EXPH5: variants seen among roughly 807,000 people sequenced by gnomAD.
EXPH5 encodes the protein exophilin 5.
EXPH5 carries 42 observed loss-of-function variants against 41.1 expected under a neutral mutation model. The ratio of observed to expected loss-of-function variants is 1.02; its 90% CI spans 0.80 to 1.32. The LOEUF (loss-of-function observed/expected upper bound fraction) is 1.32. EXPH5 is among the 40% of genes most tolerant of loss of function. The pLI is 0.00. For missense variants in EXPH5, 2,298 were observed against 2,314.5 expected (o/e 0.99, Z 0.15); for synonymous variants, 798 against 833.5 (o/e 0.96, Z 0.73).
Position 108,512,623 on chromosome 11 carries a change from G to A in EXPH5, c.2884C>T (p.His962Tyr), listed in dbSNP as rs1490033446. Residue 962 changes from histidine (H) to tyrosine (Y), a missense_variant, in exon 6 of 6, where the codon CAT becomes TAT. Transcript: ENST00000265843. ...TCATTCCTAAAAGGAGAGTGTGAAT[G>A]GCATTTGACATCAACCACTTCATCA... ...THDEVVDVKC[H>Y]SHSPFRNERG... 31 of 1,613,638 alleles carry A rather than the reference G, an allele frequency of 1.9e-5. No homozygotes were observed. The highest frequency in any genetic ancestry group is 2.6e-5 in the Non-Finnish European group (31 of 1,179,934).
chr11:108,558,028 T>C (rs1233408334), intron 1 of EXPH5, among the ~76,000 whole-genome samples: 2 of 152,148 alleles, frequency 1.3e-5, no homozygotes, highest in East Asian at 3.9e-4. Context: ...CTGCAACCTC[T>C]GCCTCCCAGG....
chr11:108,565,864 A>G (rs1457218777), intron 1 of EXPH5, among the ~76,000 whole-genome samples: 1 of 152,202 alleles, frequency 6.6e-6, no homozygotes, highest in East Asian at 1.9e-4. Flanking sequence ...TCTCTAGGCA[A>G]CTTTCCAACT....
chr11:108,526,335 G>C (rs983091926), intron 4 of EXPH5, among the ~76,000 whole-genome samples: 1 of 152,138 alleles, frequency 6.6e-6, no homozygotes, highest in Non-Finnish European at 1.5e-5. Context: ...GCAGTGAAAT[G>C]GTTTCGTGCA....
chr11:108,529,766 C>T (rs572477574), intron 3 of EXPH5, among the ~76,000 whole-genome samples: 22 of 151,884 alleles, frequency 1.4e-4, no homozygotes, highest in African/African-American at 5.3e-4. Context: ...ATTGCTTGAA[C>T]CTGGGAGGCA....
rs766002172 is a variant in EXPH5, at chr11:108,514,730, G to A, written c.777C>T (p.His259=). The part of the protein sequence containing the change: ...GNRHGNITER[H]KKHYNETSNM... The stretch of plus-strand genomic sequence containing the variant: ...TGGAAGTTTCATTATAGTGTTTTTT[G>A]TGCCTTTCTGTGATATTACCATGTC... The change falls in exon 6 of 6, where the codon CAC becomes CAT. Residue 259 remains histidine (H), a synonymous_variant. Coordinates refer to ENST00000265843, the MANE Select transcript of EXPH5 (RefSeq NM_015065.3). 8.1e-6 allele frequency: 13 copies of A among 1,609,288 alleles called. No individual in the cohort carries two copies. Among genetic ancestry groups the A allele is most frequent in the East Asian group, 6.7e-5 (3 of 44,864 alleles).
chr11:108,551,770 T>C (rs963982855), intron 1 of EXPH5, among the ~76,000 whole-genome samples: 1 of 152,148 alleles, frequency 6.6e-6, no homozygotes, highest in Non-Finnish European at 1.5e-5. Flanking sequence ...TCAAATCCTG[T>C]GAAAGTGACT....
rs181485192 is a variant in EXPH5 at position 108,518,515 on chromosome 11, T to G, written c.493-142A>C. 83 of 750,740 alleles carry G rather than the reference T, an allele frequency of 1.1e-4. No individual in the cohort carries two copies. The African/African-American group carries it at 1.3e-3, about 12-fold the overall frequency. The allele number at this position is 750,740 out of a possible 1,614,324, so 46.5% of individuals were successfully genotyped here. On this transcript the variant is annotated intron_variant, in intron 4 of 5. Coordinates refer to ENST00000265843, the MANE Select transcript of EXPH5 (RefSeq NM_015065.3). ...ATTTTTCTAATATTTATTTCTCAAT[T>G]TATAATGTGTTGTTTTTGCCATTTG...
At position 108,513,938 on chromosome 11, in the gene EXPH5, A is replaced by T. The variant is rs748205814; in HGVS notation, c.1569T>A (p.His523Gln). ...ATTCCCAGTGTTCAGAAGAAACATT[A>T]TGGCCATGAATGGCTGATACACTAT... ...EANSVSAIHG[H>Q]NVSSEHWESF... The change falls in exon 6 of 6, where the codon CAT becomes CAA. Residue 523 changes from histidine to glutamine, a missense_variant. By Grantham distance (24) the His-to-Gln change is conservative. Coordinates refer to ENST00000265843, the MANE Select transcript of EXPH5 (RefSeq NM_015065.3). The T allele has an allele frequency of 6.2e-7, 1 of 1,607,068 alleles. No individual in the cohort carries two copies. Among genetic ancestry groups the T allele is most frequent in the South Asian group, 1.1e-5 (1 of 89,388 alleles).
At chr11:108,548,649 G>T (rs2093949752) in intron 1 of EXPH5, among the ~76,000 whole-genome samples, 1 of 152,114 alleles carries the variant, frequency 6.6e-6, no homozygotes, top group East Asian at 1.9e-4. Flanking sequence ...ACCCAGGAAG[G>T]GAAACGATGA....
At chr11:108,565,808 G>A (rs1309302007) in intron 1 of EXPH5, among the ~76,000 whole-genome samples, 5 of 152,248 alleles carry the variant, frequency 3.3e-5, no homozygotes, top group East Asian at 3.9e-4. Flanking sequence ...CTATGACTCC[G>A]TCATTTAAAC....
At chr11:108,519,309 G>A (rs1333345270) in intron 4 of EXPH5, among the ~76,000 whole-genome samples, 2 of 152,170 alleles carry the variant, frequency 1.3e-5, no homozygotes, top group Non-Finnish European at 2.9e-5. Flanking sequence ...CTTAGTGGGG[G>A]TTCCTTGCAG....
At chr11:108,528,694 CCTT>C (rs2093816157) in intron 3 of EXPH5, among the ~76,000 whole-genome samples, 1 of 143,580 alleles carries the variant, frequency 7.0e-6, no homozygotes, top group South Asian at 2.2e-4. Flanking sequence ...TTTTTCTTTC[CCTT>C]TTTTTTTTTT....
rs748949653 is a variant in EXPH5, at chr11:108,513,150, G to A, written c.2357C>T (p.Thr786Ile). Residue 786 changes from threonine (T) to isoleucine (I), a missense_variant, in exon 6 of 6, where the codon ACA becomes ATA. Coordinates refer to ENST00000265843, the MANE Select transcript of EXPH5 (RefSeq NM_015065.3). Reference protein sequence around the residue: ...KDTSKMYIPHTDKSNDIKQDK... With the variant: ...KDTSKMYIPHIDKSNDIKQDK... The stretch of plus-strand genomic sequence containing the variant: ...TTGTTTAATGTCATTGGATTTATCT[G>A]TGTGCGGTATATACATTTTGGAGGT... The A allele has an allele frequency of 6.8e-6, 11 of 1,613,722 alleles. No individual in the cohort carries two copies. In the African/African-American group the frequency reaches 9.3e-5, roughly 14 times the overall value.
intron 1 of EXPH5, among the ~76,000 whole-genome samples, chr11:108,579,048 A>T (rs2094089136): frequency 6.6e-6 from 1 of 152,302 alleles, no homozygotes; most frequent in South Asian, 2.1e-4. Context: ...CTGTTGAACT[A>T]AAAGTAGTGA....
At chr11:108,532,356 ATATATATATATTTTTTTTTTTTTTT>A (rs1280863579) in intron 3 of EXPH5, among the ~76,000 whole-genome samples, 1 of 20,180 alleles carries the variant, frequency 5.0e-5, no homozygotes, top group African/African-American at 2.6e-4. Flanking sequence ...ATATATATAT[ATATATATATATTTTTTTTTTTTTTT>A]TTTTTTTTTT....
rs371341661 is a variant in EXPH5 at position 108,510,094 on chromosome 11, C to T, written c.5413G>A (p.Asp1805Asn). Residue 1805 changes from aspartate to asparagine, a missense_variant, in exon 6 of 6, where the codon GAT becomes AAT. By Grantham distance (23) the Asp-to-Asn change is conservative. Transcript: ENST00000265843. ...KSLKSINVHG[D>N]LLRKSHPPKV... is the part of the protein sequence containing the mutation. ...GGAGGATGGCTTTTTCGTAGTAGAT[C>T]GCCATGAACATTAATGCTTTTTAAA... 10 of 1,612,374 alleles carry T rather than the reference C, an allele frequency of 6.2e-6. No homozygotes were observed. Among genetic ancestry groups the T allele is most frequent in the East Asian group, 2.2e-5 (1 of 44,882 alleles).
chr11:108,514,787 T>C lies in EXPH5; in HGVS notation c.720A>G (p.Thr240=). ...TRTPLNYGSR[T]QFGHFYSSGN... ...CACTGGAATAAAAGTGACCGAACTG[T>C]GTTCTTGATCCATAGTTGAGGGGTG... is the stretch of plus-strand genomic sequence containing the variant. The change falls in exon 6 of 6, where the codon ACA becomes ACG. Residue 240 remains threonine, a synonymous_variant. Transcript: ENST00000265843. The C allele has an allele frequency of 6.2e-7, 1 of 1,607,670 alleles. No individual in the cohort carries two copies. Among genetic ancestry groups the C allele is most frequent in the Non-Finnish European group, 8.5e-7 (1 of 1,177,914 alleles).
rs78236001 is a variant in EXPH5, at chr11:108,536,573, T to C, written c.443+2451A>G. ...AGCCGTCATGACTGGCCTTTCTTTT[T>C]GGATTTTTACAAATTCACCAAGTCT... is the stretch of plus-strand genomic sequence containing the variant. On this transcript the variant is annotated intron_variant, in intron 3 of 5. Coordinates refer to ENST00000265843, the MANE Select transcript of EXPH5 (RefSeq NM_015065.3). Among the ~76,000 whole-genome samples, 773 of 152,328 alleles carry C rather than the reference T, an allele frequency of 5.1e-3. 7 individuals are homozygous for C. Among genetic ancestry groups the C allele is most frequent in the African/African-American group, 0.017 (726 of 41,580 alleles).
In EXPH5 at chr11:108,511,901, T is replaced by C; in HGVS notation, c.3606A>G (p.Val1202=). 6.3e-7 allele frequency: 1 copy of C among 1,592,106 alleles called. No individual in the cohort carries two copies. Among genetic ancestry groups the C allele is most frequent in the Non-Finnish European group, 8.5e-7 (1 of 1,173,428 alleles). The change falls in exon 6 of 6, where the codon GTA becomes GTG. Residue 1202 remains valine, a synonymous_variant. Coordinates refer to ENST00000265843, the MANE Select transcript of EXPH5 (RefSeq NM_015065.3). ...EGKMAASRRS[V]FALSNEDPLP... ...AAGGGTCTTCATTTGAAAGAGCAAA[T>C]ACACTTCTCCTGGAGGCAGCCATTT...
Sources: gnomAD v4.1 joint callset for allele counts (sites outside exome capture counted in the v4.1 genomes callset) on GRCh38, gnomAD v4.1.1 for gene constraint, MANE v1.5 for transcripts, NCBI Gene and HGNC (gene_info 2026-07-23, HGNC 2026-07-21) for gene names.